The following ATP9B variants were observed in gnomAD, a reference collection of about 807,000 sequenced individuals.
ATP9B encodes the protein probable phospholipid-transporting ATPase IIB.
In ATP9B, 110 loss-of-function variants were observed where a neutral mutation model predicts 146.1. The ratio of observed to expected loss-of-function variants is 0.75; its 90% CI spans 0.65 to 0.88. The LOEUF is 0.88. Ranked by LOEUF, ATP9B falls within the 40% of genes least tolerant of loss-of-function variation. The probability of loss-of-function intolerance (pLI) is 0.00; values close to 1 mark genes in which losing one functional copy is unlikely to be tolerated. For missense variants in ATP9B, 1,499 were observed against 1,496.4 expected, an observed-to-expected ratio of 1.00 and a Z score of -0.03; for synonymous variants, 604 against 569.7, an observed-to-expected ratio of 1.06 and a Z score of -0.86.
At chr18:79,322,778 G>A (rs937875609) in intron 15 of ATP9B, among the ~76,000 whole-genome samples, 2 of 152,188 alleles carry the variant, frequency 1.3e-5, no homozygotes, top group Admixed American at 1.3e-4. Context: ...TCATGTTTGA[G>A]AGTGGGAAGC....
intron 25 of ATP9B, chr18:79,352,935 A>G (rs1396880229): frequency 8.5e-5 from 13 of 152,282 alleles, no homozygotes; most frequent in Non-Finnish European, 1.5e-4. Context: ...CTTCAACTCA[A>G]CGATCAGACA....
chr18:79,298,535 C>T lies in ATP9B; in HGVS notation c.1412-5069C>T, dbSNP rs543266150. 3.7e-4 allele frequency among the ~76,000 whole-genome samples: 54 copies of T among 146,690 alleles called. 3 individuals carry two copies. The highest frequency in any genetic ancestry group is 3.5e-3 in the Middle Eastern group (1 of 288). On this transcript the variant is annotated intron_variant, in intron 13 of 29. Coordinates refer to ENST00000426216, the MANE Select transcript of ATP9B (RefSeq NM_198531.5). Reference sequence around the variant, plus strand: ...ACACTAAAAATGTCACTTCTCTTTTCGATATTCAGTTTAATTCAGTTTCTG... The same window carrying T: ...ACACTAAAAATGTCACTTCTCTTTTTGATATTCAGTTTAATTCAGTTTCTG...
At chr18:79,265,165 A>G (rs781616769) in intron 12 of ATP9B, among the ~76,000 whole-genome samples, 2 of 152,196 alleles carry the variant, frequency 1.3e-5, no homozygotes, top group Non-Finnish European at 2.9e-5. Flanking sequence ...AAGTGAGGAC[A>G]TGTGGTATTT....
At chr18:79,082,427 T>C (rs568154) in intron 1 of ATP9B, among the ~76,000 whole-genome samples, 58,868 of 152,038 alleles carry the variant, frequency 0.39, 11,831 homozygotes, top group East Asian at 0.52. Flanking sequence ...ACTCCTTCTC[T>C]GTCCAGTTTT....
At chr18:79,305,581 C>A (rs2016772037) in intron 14 of ATP9B, among the ~76,000 whole-genome samples, 1 of 151,644 alleles carries the variant, frequency 6.6e-6, no homozygotes, top group Non-Finnish European at 1.5e-5. Context: ...GAAATAGTAC[C>A]AGATGAGCTC....
chr18:79,372,346 C>A (rs995440666), intron 26 of ATP9B: 1 of 300,602 alleles, frequency 3.3e-6, no homozygotes, highest in Non-Finnish European at 6.7e-6. Flanking sequence ...TGTTCTCCAG[C>A]GAGGGTTTAA....
At chr18:79,085,625 A>G (rs1210793709) in intron 1 of ATP9B, 1 of 152,086 alleles carries the variant, frequency 6.6e-6, no homozygotes, top group Non-Finnish European at 1.5e-5. Flanking sequence ...TTTGTGTTTT[A>G]AGTGATAGTG....
intron 26 of ATP9B, among the ~76,000 whole-genome samples, chr18:79,365,838 G>A (rs972093510): frequency 3.3e-5 from 5 of 152,044 alleles, no homozygotes; most frequent in East Asian, 3.9e-4. Context: ...GGACATCTCC[G>A]TGGACGGGGA....
At chr18:79,274,925 T>C (rs894163778) in intron 12 of ATP9B, among the ~76,000 whole-genome samples, 2 of 152,250 alleles carry the variant, frequency 1.3e-5, no homozygotes, top group Non-Finnish European at 2.9e-5. Flanking sequence ...TCATGAGCCA[T>C]AGGCCCCTCG....
intron 13 of ATP9B, among the ~76,000 whole-genome samples, chr18:79,298,343 A>G (rs550182706): frequency 1.4e-5 from 2 of 146,384 alleles, no homozygotes; most frequent in South Asian, 4.3e-4. Context: ...CTGAGATGAA[A>G]AGTACGGTGC....
intron 11 of ATP9B, among the ~76,000 whole-genome samples, chr18:79,231,753 GTAGA>G (rs1320320641): frequency 2.8e-5 from 4 of 143,682 alleles, no homozygotes; most frequent in Non-Finnish European, 4.5e-5. Flanking sequence ...CAATCAACGA[GTAGA>G]TAAAGAAAAT....
chr18:79,076,497 C>A (rs1041639170), intron 1 of ATP9B, among the ~76,000 whole-genome samples: 2 of 152,186 alleles, frequency 1.3e-5, no homozygotes, highest in African/African-American at 4.8e-5. Flanking sequence ...GGTCTCCGTG[C>A]TTTCTGATGA....
At chr18:79,355,603 A>G (rs2096947029) in intron 25 of ATP9B, among the ~76,000 whole-genome samples, 1 of 152,132 alleles carries the variant, frequency 6.6e-6, no homozygotes, top group African/African-American at 2.4e-5. Flanking sequence ...AGCCTCAGGG[A>G]CAGCAAGATG....
chr18:79,126,443 C>T lies in ATP9B; in HGVS notation c.667+68C>T, dbSNP rs923901790. ...AATTATCATTTTAGAGTTAACATAA[C>T]AAATGTATGAAAACATTTTAATTCT... On this transcript the variant is annotated intron_variant, in intron 5 of 29. Transcript: ENST00000426216. 1.2e-5 allele frequency: 13 copies of T among 1,050,070 alleles called. No homozygotes were observed. The Admixed American group carries it at 2.4e-4, about 20-fold the overall frequency. The allele number at this position is 1,050,070 out of a possible 1,614,324, so 65.0% of individuals were successfully genotyped here.
At chr18:79,203,932 A>G (rs1315186001) in intron 9 of ATP9B, among the ~76,000 whole-genome samples, 3 of 152,204 alleles carry the variant, frequency 2.0e-5, no homozygotes, top group Admixed American at 6.5e-5. Flanking sequence ...CTGTAACACC[A>G]TTTGTTTGAA....
chr18:79,342,300 A>C lies in ATP9B; in HGVS notation c.2316A>C (p.Thr772=). 3 of 1,613,790 alleles carry C rather than the reference A, an allele frequency of 1.9e-6. No homozygotes were observed. The highest frequency in any genetic ancestry group is 2.5e-6 in the Non-Finnish European group (3 of 1,179,780). The change falls in exon 20 of 30, where the codon ACA becomes ACC. Residue 772 remains threonine, a synonymous_variant. Transcript: ENST00000426216. ...IWMLTGDKLE[T]ATCIAKSSHL... is the part of the protein sequence containing the mutation. The stretch of plus-strand genomic sequence containing the variant: ...TGCTAACAGGCGATAAACTCGAGAC[A>C]GCTACCTGCATTGCCAAAAGTTCAC...
At chr18:79,238,205 C>T (rs2144626749) in intron 11 of ATP9B, among the ~76,000 whole-genome samples, 1 of 150,702 alleles carries the variant, frequency 6.6e-6, no homozygotes, top group East Asian at 2.0e-4. Context: ...TGAGTACTGT[C>T]ATGTTGAAAT....
chr18:79,114,033 C>T (rs2094019349), intron 4 of ATP9B, among the ~76,000 whole-genome samples: 1 of 152,124 alleles, frequency 6.6e-6, no homozygotes, highest in Non-Finnish European at 1.5e-5. Context: ...TGTAGTGGCA[C>T]AATCTCGGCC....
intron 7 of ATP9B, among the ~76,000 whole-genome samples, chr18:79,164,700 CAG>C (rs1173619911): frequency 1.3e-5 from 2 of 152,104 alleles, no homozygotes; most frequent in Non-Finnish European, 2.9e-5. Context: ...GGCTGGGTGA[CAG>C]AGCGAGACTC....
Sources: allele counts gnomAD v4.1 joint callset (sites outside exome capture counted in the v4.1 genomes callset), GRCh38; gene constraint gnomAD v4.1.1; transcripts MANE v1.5; gene names NCBI Gene and HGNC (gene_info 2026-07-23, HGNC 2026-07-21).